The following COL19A1 variants were observed in gnomAD, a reference collection of about 807,000 sequenced individuals.
The protein encoded by COL19A1 is collagen type XIX alpha 1 chain, also known as collagen alpha-1(XIX) chain.
In COL19A1, 159 loss-of-function variants were observed where a neutral mutation model predicts 190.2. The ratio of observed to expected loss-of-function variants is 0.84; its 90% confidence interval spans 0.73 to 0.95. The LOEUF is 0.95. COL19A1 is among the 40% of genes least tolerant of loss of function. COL19A1 has a pLI of 0.00. For synonymous variants in COL19A1, 509 were observed against 458.9 expected, an observed-to-expected ratio of 1.11 and a Z score of -1.39; for missense variants, 1,418 against 1,431.9, an observed-to-expected ratio of 0.99 and a Z score of 0.16.
intron 11 of COL19A1, among the ~76,000 whole-genome samples, chr6:69,992,385 A>G (rs1776674321): frequency 6.6e-6 from 1 of 152,070 alleles, no homozygotes. Flanking sequence ...TTGGTTCCAT[A>G]TGAATTTTAG....
chr6:69,921,440 T>TATC (rs1771861529), intron 4 of COL19A1, among the ~76,000 whole-genome samples: 3 of 128,670 alleles, frequency 2.3e-5, no homozygotes, highest in African/African-American at 1.0e-4. Flanking sequence ...ATATATCATA[T>TATC]ATATCATATA....
At chr6:70,092,238 G>A (rs1782975376) in intron 15 of COL19A1, among the ~76,000 whole-genome samples, 1 of 151,282 alleles carries the variant, frequency 6.6e-6, no homozygotes, top group Non-Finnish European at 1.5e-5. Context: ...AATGTCCCAG[G>A]TTGTTGCTGA....
At chr6:70,080,342 G>T (rs1782172042) in intron 15 of COL19A1, among the ~76,000 whole-genome samples, 1 of 152,172 alleles carries the variant, frequency 6.6e-6, no homozygotes, top group Non-Finnish European at 1.5e-5. Flanking sequence ...GGTGAAAGGG[G>T]CAGGCCTTGG....
chr6:70,154,961 C>G (rs1265537469), intron 31 of COL19A1, among the ~76,000 whole-genome samples: 1 of 152,124 alleles, frequency 6.6e-6, no homozygotes, highest in Admixed American at 6.6e-5. Context: ...TCTGCCTCTC[C>G]CAGTCCACCA....
intron 15 of COL19A1, among the ~76,000 whole-genome samples, chr6:70,081,003 G>A (rs1473424938): frequency 6.6e-6 from 1 of 152,126 alleles, no homozygotes; most frequent in Non-Finnish European, 1.5e-5. Flanking sequence ...GATGGCATAA[G>A]AATTACAAAT....
In COL19A1 at chr6:70,187,132, G is replaced by A. The variant is rs1262209761; in HGVS notation, c.2857-943G>A. On this transcript the variant is annotated intron_variant, in intron 46 of 50. Coordinates refer to ENST00000620364, the MANE Select transcript of COL19A1 (RefSeq NM_001858.6). ...TGACCTCAGGTGATCTGCCCACCTCGGCCTCCCAAAGTGCTGTGATTACAG... is the reference window on the plus strand; with the variant it reads ...TGACCTCAGGTGATCTGCCCACCTCAGCCTCCCAAAGTGCTGTGATTACAG... Among the ~76,000 whole-genome samples, 7 of 151,960 alleles carry A rather than the reference G, an allele frequency of 4.6e-5. No individual in the cohort carries two copies. The East Asian group carries it at 9.6e-4, about 21-fold the overall frequency.
intron 15 of COL19A1, among the ~76,000 whole-genome samples, chr6:70,078,556 C>T (rs1782032418): frequency 3.9e-5 from 6 of 152,038 alleles, no homozygotes; most frequent in Non-Finnish European, 1.5e-5. Flanking sequence ...ATCTCCAGGC[C>T]AGGTAGATCC....
At chr6:69,997,915 C>T (rs1777017210) in intron 11 of COL19A1, among the ~76,000 whole-genome samples, 1 of 151,978 alleles carries the variant, frequency 6.6e-6, no homozygotes, top group Non-Finnish European at 1.5e-5. Flanking sequence ...AAGAGAACCA[C>T]GTTTAGACAC....
At chr6:70,139,879 G>A (rs1439288894) in intron 19 of COL19A1, among the ~76,000 whole-genome samples, 2 of 151,426 alleles carry the variant, frequency 1.3e-5, no homozygotes, top group African/African-American at 4.8e-5. Flanking sequence ...TTGGAGCCAG[G>A]ACTAAATATC....
intron 6 of COL19A1, among the ~76,000 whole-genome samples, chr6:69,930,606 C>T: frequency 6.6e-6 from 1 of 151,954 alleles, no homozygotes; most frequent in East Asian, 1.9e-4. Context: ...ATGACGAGGT[C>T]AGGAGATCGA....
Position 70,155,058 on chromosome 6 carries a change from C to G in COL19A1, c.2080-1069C>G, listed in dbSNP as rs141169942. Among the ~76,000 whole-genome samples, 161 of 152,238 alleles carry G rather than the reference C, an allele frequency of 1.1e-3. 1 individual carries two copies. Among genetic ancestry groups the G allele is most frequent in the African/African-American group, 1.8e-3 (76 of 41,574 alleles). ...ATCCTTCAATCCAATCAAGTTGACA[C>G]TCAGTATTAACCATCACACCTTGTA... On this transcript the variant is annotated intron_variant, in intron 31 of 50. Coordinates refer to ENST00000620364, the MANE Select transcript of COL19A1 (RefSeq NM_001858.6).
At chr6:70,056,822 C>T (rs1191967909) in intron 14 of COL19A1, among the ~76,000 whole-genome samples, 1 of 151,986 alleles carries the variant, frequency 6.6e-6, no homozygotes, top group Non-Finnish European at 1.5e-5. Flanking sequence ...TCCTCTTAAA[C>T]GTTTGATTTT....
rs370136850 is a variant in COL19A1 at position 69,997,014 on chromosome 6, C to CATATATATATAT, written c.1027-26611_1027-26600dup. Among the ~76,000 whole-genome samples, 457 of 142,700 alleles carry CATATATATATAT rather than the reference C, an allele frequency of 3.2e-3. 2 individuals are homozygous for CATATATATATAT. Among genetic ancestry groups the CATATATATATAT allele is most frequent in the African/African-American group, 0.011 (402 of 37,478 alleles). The allele number at this position is 142,700 out of a possible 152,430, so 93.6% of individuals were successfully genotyped here. A position where few individuals can be genotyped will look rare whatever the true frequency, so the allele number is the denominator to read the frequency against. ...GTATGTGTGTGTGTGTTTATATATA[C>CATATATATATAT]ATATATATATATAGAGAGAGAGAGA... On this transcript the variant is annotated intron_variant, in intron 11 of 50. Coordinates refer to ENST00000620364, the MANE Select transcript of COL19A1 (RefSeq NM_001858.6).
chr6:70,205,436 T>C (rs1382825290), intron 49 of COL19A1, among the ~76,000 whole-genome samples: 3 of 152,256 alleles, frequency 2.0e-5, no homozygotes, highest in African/African-American at 7.2e-5. Flanking sequence ...CATGTTCTAC[T>C]GTAACAGCAC....
chr6:70,016,230 G>C (rs1443039754), intron 11 of COL19A1, among the ~76,000 whole-genome samples: 1 of 32,056 alleles, frequency 3.1e-5, no homozygotes, highest in East Asian at 1.2e-3. Context: ...GTCGGGGGAG[G>C]GGGGAGGGAT....
At chr6:70,005,149 T>C (rs1777540757) in intron 11 of COL19A1, among the ~76,000 whole-genome samples, 1 of 152,138 alleles carries the variant, frequency 6.6e-6, no homozygotes, top group Non-Finnish European at 1.5e-5. Flanking sequence ...CCTACTTCTG[T>C]CAATTCTTCC....
chr6:70,126,939 A>C (rs1785238315), intron 17 of COL19A1, among the ~76,000 whole-genome samples: 2 of 152,216 alleles, frequency 1.3e-5, no homozygotes, highest in Admixed American at 1.3e-4. Flanking sequence ...TAAGTTTTCT[A>C]TCAGCACATG....
At chr6:70,048,022 AAAT>A (rs1780000704) in intron 14 of COL19A1, among the ~76,000 whole-genome samples, 2 of 152,146 alleles carry the variant, frequency 1.3e-5, no homozygotes, top group Non-Finnish European at 2.9e-5. Flanking sequence ...AGATGGCACC[AAAT>A]GTTTATGCAG....
chr6:69,891,917 C>G (rs1769377984), intron 2 of COL19A1, among the ~76,000 whole-genome samples: 1 of 152,170 alleles, frequency 6.6e-6, no homozygotes, highest in Admixed American at 6.5e-5. Flanking sequence ...TATCCTAGGG[C>G]TTTGACCAGA....
Sources: gnomAD v4.1 joint callset for allele counts (sites outside exome capture counted in the v4.1 genomes callset) on GRCh38, gnomAD v4.1.1 for gene constraint, MANE v1.5 for transcripts, NCBI Gene and HGNC (gene_info 2026-07-23, HGNC 2026-07-21) for gene names.